Variants in PCDHGA9 observed in about 807,000 individuals in gnomAD.
The protein encoded by PCDHGA9 is protocadherin gamma subfamily A, 9.
A neutral mutation model predicts 62.5 loss-of-function variants in PCDHGA9; 37 were observed. That is an observed-to-expected ratio of 0.59 (90% confidence interval 0.46 to 0.78). The LOEUF is 0.78. PCDHGA9 is among the 30% of genes least tolerant of loss of function. The pLI is 0.00. For missense variants in PCDHGA9, 1,138 were observed against 1,166.2 expected (o/e 0.98, Z 0.35); for synonymous variants, 459 against 484.6 (o/e 0.95, Z 0.69).
In PCDHGA9 at chr5:141,475,486, T is replaced by C. The variant is rs576743657; in HGVS notation, c.2425-19321T>C. Among the ~76,000 whole-genome samples, 14 of 152,370 alleles carry C rather than the reference T, an allele frequency of 9.2e-5. No homozygotes were observed. In the East Asian group the frequency reaches 2.7e-3, roughly 29 times the overall value. On this transcript the variant is annotated intron_variant, in intron 1 of 3. Transcript: ENST00000573521. ...AATGCTAATTTCATTTGGTAAGAGA[T>C]AAAACTGAAATTATTAATGTCTCCA...
At chr5:141,419,904 C>G (rs2096446397) in intron 1 of PCDHGA9, 2 of 1,614,108 alleles carry the variant, frequency 1.2e-6, no homozygotes, top group Non-Finnish European at 1.7e-6. Flanking sequence ...CCCACACCCT[C>G]TGACTCCCAG....
At chr5:141,415,259 T>A (rs778452630) in intron 1 of PCDHGA9, 5 of 1,614,226 alleles carry the variant, frequency 3.1e-6, no homozygotes, top group Admixed American at 1.7e-5. Flanking sequence ...GACCTCACTC[T>A]GTACCTGGTG....
intron 1 of PCDHGA9, among the ~76,000 whole-genome samples, chr5:141,469,449 C>A (rs1017174114): frequency 2.0e-5 from 3 of 151,846 alleles, no homozygotes; most frequent in African/African-American, 7.3e-5. Context: ...GTGGTGCACA[C>A]CTGTAGTCTC....
At chr5:141,422,374 G>A (rs1268014814) in intron 1 of PCDHGA9, 1 of 1,570,452 alleles carries the variant, frequency 6.4e-7, no homozygotes, top group Non-Finnish European at 8.6e-7. Flanking sequence ...AAATGGTCAA[G>A]TCTCCTGTTT....
intron 1 of PCDHGA9, among the ~76,000 whole-genome samples, chr5:141,484,160 T>C (rs1451052819): frequency 2.6e-5 from 4 of 152,210 alleles, no homozygotes; most frequent in African/African-American, 7.2e-5. Flanking sequence ...CACAATGCTG[T>C]TGGTAGCTGA....
At chr5:141,428,129 C>G (rs1449809875) in intron 1 of PCDHGA9, 1 of 1,603,218 alleles carries the variant, frequency 6.2e-7, no homozygotes, top group Non-Finnish European at 8.5e-7. Context: ...CCGGGCTTTT[C>G]AGCCTGGGGC....
intron 1 of PCDHGA9, chr5:141,416,673 C>A (rs1259750007): frequency 6.6e-6 from 1 of 151,958 alleles, no homozygotes; most frequent in Non-Finnish European, 1.5e-5. Flanking sequence ...ATATATGCAA[C>A]GAAGGGAAAT....
intron 1 of PCDHGA9, among the ~76,000 whole-genome samples, chr5:141,425,402 A>C (rs1288785443): frequency 6.6e-6 from 1 of 152,222 alleles, no homozygotes; most frequent in Non-Finnish European, 1.5e-5. Flanking sequence ...AAGTTCTGTT[A>C]AGGTATAACA....
Position 141,485,298 on chromosome 5 carries a change from G to A in PCDHGA9, c.2425-9509G>A, listed in dbSNP as rs1562104502. 1 of 1,613,978 alleles carries A rather than the reference G, an allele frequency of 6.2e-7. No individual in the cohort carries two copies. On this transcript the variant is annotated intron_variant, in intron 1 of 3. Coordinates refer to ENST00000573521, the MANE Select transcript of PCDHGA9 (RefSeq NM_018921.3). This position sits in a 1 kb window ranked among gnomAD's most constrained non-coding sequence, Gnocchi z 5.7. ...CCGGTCCCAGAGGAGTCACAGGAAG[G>A]GACTTTTGTAGGGAATGTCGCTCAA...
Position 141,486,277 on chromosome 5 carries a change from G to A in PCDHGA9, c.2425-8530G>A, listed in dbSNP as rs1156704202. 6.2e-7 allele frequency: 1 copy of A among 1,614,020 alleles called. No individual in the cohort carries two copies. The highest frequency in any genetic ancestry group is 1.1e-5 in the South Asian group (1 of 91,056). ...CCGAGAGTGCAGAACCTGGCACTGT[G>A]GTGGCACTTATCAGTGTGCAGGATC... On this transcript the variant is annotated intron_variant, in intron 1 of 3. Transcript: ENST00000573521. The surrounding 1 kb of genome is among the most constrained non-coding windows in gnomAD (Gnocchi z 5.0).
At chr5:141,417,784 G>T in intron 1 of PCDHGA9, 2 of 1,474,908 alleles carry the variant, frequency 1.4e-6, no homozygotes, top group Non-Finnish European at 9.0e-7. Context: ...GTCCTGGGCC[G>T]AATGCTCTTT....
Position 141,487,568 on chromosome 5 carries a change from C to G in PCDHGA9, c.2425-7239C>G, listed in dbSNP as rs752378906. The G allele has an allele frequency of 1.9e-6, 3 of 1,614,180 alleles. No homozygotes were observed. Among genetic ancestry groups the G allele is most frequent in the Non-Finnish European group, 2.5e-6 (3 of 1,180,042 alleles). ...ACCCAGTGCACCTATGGCAGGGGAG[C>G]CTGTTCGCCCAAGCTGCCCACCCTC... On this transcript the variant is annotated intron_variant, in intron 1 of 3. Transcript: ENST00000573521. This position sits in a 1 kb window ranked among gnomAD's most constrained non-coding sequence, Gnocchi z 5.0.
intron 1 of PCDHGA9, chr5:141,422,940 C>T (rs769630623): frequency 2.0e-5 from 32 of 1,614,124 alleles, no homozygotes; most frequent in Admixed American, 5.0e-5. Flanking sequence ...TCCCCACAGA[C>T]GGCTCCACTG....
intron 1 of PCDHGA9, among the ~76,000 whole-genome samples, chr5:141,475,364 G>C (rs2099362607): frequency 6.6e-6 from 1 of 152,200 alleles, no homozygotes; most frequent in Admixed American, 6.5e-5. Flanking sequence ...AATAAAATCT[G>C]AATTGTACTT....
At chr5:141,407,547 T>C (rs895082728) in intron 1 of PCDHGA9, among the ~76,000 whole-genome samples, 1 of 151,860 alleles carries the variant, frequency 6.6e-6, no homozygotes, top group Non-Finnish European at 1.5e-5. Flanking sequence ...GGTAACAGAT[T>C]GTAGAACATA....
rs764658508 is a variant in PCDHGA9 at position 141,431,546 on chromosome 5, G to A, written c.2424+26170G>A. 1.2e-6 allele frequency: 2 copies of A among 1,614,000 alleles called. No homozygotes were observed. Among genetic ancestry groups the A allele is most frequent in the Admixed American group, 3.3e-5 (2 of 60,012 alleles). On this transcript the variant is annotated intron_variant, in intron 1 of 3. Coordinates refer to ENST00000573521, the MANE Select transcript of PCDHGA9 (RefSeq NM_018921.3). This position sits in a 1 kb window ranked among gnomAD's most constrained non-coding sequence, Gnocchi z 4.8. The stretch of plus-strand genomic sequence containing the variant: ...TCTGGCCTTGGGCACGCAGCTGCTT[G>A]TAGTCAACGCTACCGACCCTGACGA...
chr5:141,412,027 C>T (rs1360599996), intron 1 of PCDHGA9: 1 of 152,086 alleles, frequency 6.6e-6, no homozygotes, highest in Non-Finnish European at 1.5e-5. Context: ...ATCCTGTTCT[C>T]TGTGTGAAAG....
At position 141,434,489 on chromosome 5, in the gene PCDHGA9, C is replaced by G. The variant is rs921000136; in HGVS notation, c.2424+29113C>G. On this transcript the variant is annotated intron_variant, in intron 1 of 3. Coordinates refer to ENST00000573521, the MANE Select transcript of PCDHGA9 (RefSeq NM_018921.3). ...GAATGAGGGCAAGGAACACCTGGCC[C>G]GCCCAGGGCAGAAAACTGCTTAAAG... Among the ~76,000 whole-genome samples, 8 of 152,158 alleles carry G rather than the reference C, an allele frequency of 5.3e-5. 1 individual carries two copies. The highest frequency in any genetic ancestry group is 2.6e-4 in the Admixed American group (4 of 15,284).
rs372656276 is a variant in PCDHGA9, at chr5:141,415,107, A to G, written c.2424+9731A>G. ...TGCTGGACAGAGACGCGCTCAAGCA[A>G]AGCCTCGTAGTGGCCGTCCAGGACC... is the stretch of plus-strand genomic sequence containing the variant. On this transcript the variant is annotated intron_variant, in intron 1 of 3. Transcript: ENST00000573521. 1,052 of 1,613,570 alleles carry G rather than the reference A, an allele frequency of 6.5e-4. 7 individuals carry two copies. The African/African-American group carries it at 8.4e-3, about 13-fold the overall frequency.
Sources: gnomAD v4.1 joint callset for allele counts (sites outside exome capture counted in the v4.1 genomes callset) on GRCh38, gnomAD v4.1.1 for gene constraint, Gnocchi (gnomAD v3.1) non-coding constraint, MANE v1.5 for transcripts, NCBI Gene and HGNC (gene_info 2026-07-23, HGNC 2026-07-21) for gene names.